The following SETBP1 variants were observed in gnomAD, a reference collection of about 807,000 sequenced individuals.
SETBP1 encodes SET binding protein 1.
In SETBP1, 9 loss-of-function variants were observed where a neutral mutation model predicts 101.0. That is an observed-to-expected ratio of 0.09 (90% CI 0.05 to 0.16). The LOEUF (loss-of-function observed/expected upper bound fraction) is 0.16. Ranked by LOEUF, SETBP1 falls within the 10% of genes least tolerant of loss-of-function variation. The pLI is 1.00. For missense variants in SETBP1, 1,858 were observed against 2,033.8 expected (o/e 0.91, Z 1.66); for synonymous variants, 818 against 788.5 (o/e 1.04, Z -0.63).
intron 2 of SETBP1, among the ~76,000 whole-genome samples, chr18:44,721,713 G>A (rs150129561): frequency 6.6e-6 from 1 of 152,292 alleles, no homozygotes; most frequent in East Asian, 1.9e-4. Context: ...CATTCACACT[G>A]TGGATGAACG....
At chr18:44,885,710 C>G (rs2144756566) in intron 3 of SETBP1, among the ~76,000 whole-genome samples, 1 of 151,772 alleles carries the variant, frequency 6.6e-6, no homozygotes, top group East Asian at 1.9e-4. Flanking sequence ...ATATCAAGGT[C>G]ACTGACAACC....
intron 5 of SETBP1, among the ~76,000 whole-genome samples, chr18:45,047,273 G>T (rs897519472): frequency 6.6e-6 from 1 of 152,090 alleles, no homozygotes; most frequent in Non-Finnish European, 1.5e-5. Context: ...TACGTGAAGC[G>T]ATTTCTATTA....
chr18:44,947,880 C>G (rs950957791), intron 3 of SETBP1, among the ~76,000 whole-genome samples: 1 of 152,158 alleles, frequency 6.6e-6, no homozygotes, highest in Non-Finnish European at 1.5e-5. Flanking sequence ...ACACTGATAC[C>G]CTAAGGAGCA....
chr18:44,791,311 C>T (rs2071366578), intron 2 of SETBP1, among the ~76,000 whole-genome samples: 2 of 152,192 alleles, frequency 1.3e-5, no homozygotes, highest in African/African-American at 4.8e-5. Context: ...GTCAAAAGCA[C>T]TGCATTTCGG....
intron 2 of SETBP1, among the ~76,000 whole-genome samples, chr18:44,742,669 C>T (rs925412098): frequency 3.9e-5 from 6 of 152,236 alleles, no homozygotes; most frequent in African/African-American, 9.6e-5. Flanking sequence ...TCACCAAGTA[C>T]GCATTAGCCC....
At chr18:44,824,287 C>T (rs1478222657) in intron 2 of SETBP1, among the ~76,000 whole-genome samples, 1 of 152,180 alleles carries the variant, frequency 6.6e-6, no homozygotes, top group Non-Finnish European at 1.5e-5. Context: ...ACAGTGCACC[C>T]TGCCTCTGAG....
At chr18:44,808,685 C>T (rs113651388) in intron 2 of SETBP1, among the ~76,000 whole-genome samples, 37 of 152,178 alleles carry the variant, frequency 2.4e-4, no homozygotes, top group Non-Finnish European at 1.5e-5. Context: ...CCGAATTTCC[C>T]TTCCAGAGCT....
chr18:45,036,435 G>A (rs2073400350), intron 4 of SETBP1, among the ~76,000 whole-genome samples: 1 of 151,896 alleles, frequency 6.6e-6, no homozygotes, highest in Non-Finnish European at 1.5e-5. Flanking sequence ...ATTTGGATGT[G>A]TCGCTTTACA....
At chr18:44,863,151 A>G (rs1487893655) in intron 2 of SETBP1, among the ~76,000 whole-genome samples, 2 of 152,078 alleles carry the variant, frequency 1.3e-5, no homozygotes, top group Non-Finnish European at 2.9e-5. Context: ...GGTCTCCTTC[A>G]TGGTTGGTCA....
intron 4 of SETBP1, among the ~76,000 whole-genome samples, chr18:45,002,126 G>C (rs933380090): frequency 3.3e-5 from 5 of 151,928 alleles, no homozygotes; most frequent in African/African-American, 1.2e-4. Flanking sequence ...CAGTTCCCTG[G>C]CTCCCTGCCC....
intron 2 of SETBP1, among the ~76,000 whole-genome samples, chr18:44,798,029 A>G (rs1044666903): frequency 1.3e-5 from 2 of 152,186 alleles, no homozygotes; most frequent in African/African-American, 4.8e-5. Flanking sequence ...TACTAAAAGC[A>G]TATAGGATCC....
At chr18:44,831,381 A>G (rs991375557) in intron 2 of SETBP1, among the ~76,000 whole-genome samples, 6 of 152,208 alleles carry the variant, frequency 3.9e-5, no homozygotes, top group Non-Finnish European at 7.3e-5. Flanking sequence ...CATCTCTTCC[A>G]TGAGGTTTAT....
chr18:44,761,464 C>T (rs965423283), intron 2 of SETBP1, among the ~76,000 whole-genome samples: 4 of 152,170 alleles, frequency 2.6e-5, no homozygotes, highest in Non-Finnish European at 5.9e-5. Context: ...TAAATAAAAA[C>T]TGAGGGTTAG....
intron 4 of SETBP1, chr18:44,987,278 CAG>C (rs2072262182): frequency 1.3e-5 from 2 of 152,314 alleles, no homozygotes; most frequent in South Asian, 4.1e-4. Context: ...GAAGAGCCCC[CAG>C]AGTTTTCCTG....
At chr18:44,790,065 T>G (rs2071338780) in intron 2 of SETBP1, among the ~76,000 whole-genome samples, 1 of 152,190 alleles carries the variant, frequency 6.6e-6, no homozygotes, top group Non-Finnish European at 1.5e-5. Context: ...TGAATCCTGG[T>G]AGCTGCTGCA....
At chr18:44,924,950 T>G (rs2070665637) in intron 3 of SETBP1, among the ~76,000 whole-genome samples, 2 of 151,286 alleles carry the variant, frequency 1.3e-5, no homozygotes, top group African/African-American at 4.9e-5. Context: ...GTGTCCAGCT[T>G]AGGCAGCCTC....
chr18:44,951,719 C>T lies in SETBP1; in HGVS notation c.2379C>T (p.Ala793=). Residue 793 remains alanine, a synonymous_variant, in exon 4 of 6, where the codon GCC becomes GCT. Transcript: ENST00000649279. This position sits in a 1 kb window ranked among gnomAD's most constrained non-coding sequence, Gnocchi z 7.8. ...GGTCCAATGGCAACCTGAGCCCTGC[C>T]AGCACTGAAACCAATTTTTCAGAGT... is the stretch of plus-strand genomic sequence containing the variant. ...LGGSNGNLSP[A]STETNFSELK... The T allele has an allele frequency of 6.2e-7, 1 of 1,614,178 alleles. No individual in the cohort carries two copies. The highest frequency in any genetic ancestry group is 1.1e-5 in the South Asian group (1 of 91,080).
chr18:44,729,386 A>G (rs1288618123), intron 2 of SETBP1, among the ~76,000 whole-genome samples: 4 of 152,236 alleles, frequency 2.6e-5, no homozygotes, highest in South Asian at 4.1e-4. Context: ...CCTGAAACAC[A>G]TGGTGACAGA....
At position 44,949,288 on chromosome 18, in the gene SETBP1, CCT is replaced by C. The variant is rs2071281505; in HGVS notation, c.541-592_541-591del. On this transcript the variant is annotated intron_variant, in intron 3 of 5. Transcript: ENST00000649279. The stretch of plus-strand genomic sequence containing the variant: ...GCTGTTTTTACTGGTTACAGTGGTT[CCT>C]GATGAGCTACTTGTACAGAGATGTT... 4.6e-5 allele frequency among the ~76,000 whole-genome samples: 7 copies of C among 152,300 alleles called. No individual in the cohort carries two copies. The South Asian group carries it at 1.5e-3, about 32-fold the overall frequency.
Sources: gnomAD v4.1 joint callset for allele counts (sites outside exome capture counted in the v4.1 genomes callset) on GRCh38, gnomAD v4.1.1 for gene constraint, Gnocchi (gnomAD v3.1) non-coding constraint, MANE v1.5 for transcripts, NCBI Gene and HGNC (gene_info 2026-07-23, HGNC 2026-07-21) for gene names.